HEMK2: variants seen among roughly 807,000 people sequenced by gnomAD.
HEMK2 encodes the protein HemK methyltransferase 2, ETF1 glutamine and histone H4 lysine.
chr21:28,768,336 T>C, the HEMK2 span, among the ~76,000 whole-genome samples: 1 of 152,144 alleles, frequency 6.6e-6, no homozygotes, highest in East Asian at 1.9e-4. Flanking sequence ...CTGGGGATTC[T>C]TACTGTGTAG....
chr21:28,823,762 T>C, the HEMK2 span, among the ~76,000 whole-genome samples: 1 of 152,188 alleles, frequency 6.6e-6, no homozygotes, highest in East Asian at 1.9e-4. Context: ...TCATTGTCTC[T>C]TGGACATAAA....
At chr21:28,691,388 G>A in the HEMK2 span, among the ~76,000 whole-genome samples, 14 of 152,096 alleles carry the variant, frequency 9.2e-5, no homozygotes, top group African/African-American at 3.1e-4. Flanking sequence ...TCTCTGATGG[G>A]GTTCACTCCA....
the HEMK2 span, among the ~76,000 whole-genome samples, chr21:28,682,104 G>C: frequency 6.6e-6 from 1 of 151,978 alleles, no homozygotes; most frequent in East Asian, 1.9e-4. Flanking sequence ...TACCATCAGA[G>C]TGAACAGGCA....
the HEMK2 span, among the ~76,000 whole-genome samples, chr21:28,704,710 A>G: frequency 6.6e-6 from 1 of 152,238 alleles, no homozygotes; most frequent in Non-Finnish European, 1.5e-5. Context: ...GCGGTCATTC[A>G]TAGGAAAACT....
chr21:28,860,571 A>G, the HEMK2 span, among the ~76,000 whole-genome samples: 1 of 152,020 alleles, frequency 6.6e-6, no homozygotes, highest in East Asian at 1.9e-4. Flanking sequence ...AAAATTATGA[A>G]CTCAAGGATT....
chr21:28,879,937 G>A, the HEMK2 span: 1 of 1,601,590 alleles, frequency 6.2e-7, no homozygotes, highest in Non-Finnish European at 8.5e-7. Flanking sequence ...GGTCAATCTT[G>A]GTAGCAAGCC....
the HEMK2 span, among the ~76,000 whole-genome samples, chr21:28,613,497 G>A: frequency 9.9e-5 from 15 of 151,876 alleles, no homozygotes; most frequent in Non-Finnish European, 2.1e-4. Flanking sequence ...CTATAGATGG[G>A]GAAACCATTG....
the HEMK2 span, among the ~76,000 whole-genome samples, chr21:28,713,001 G>A: frequency 6.6e-6 from 1 of 152,092 alleles, no homozygotes; most frequent in East Asian, 1.9e-4. Context: ...GTACACTAAG[G>A]TTTCAGATCT....
chr21:28,632,020 A>G, the HEMK2 span, among the ~76,000 whole-genome samples: 1 of 152,216 alleles, frequency 6.6e-6, no homozygotes, highest in Non-Finnish European at 1.5e-5. Context: ...ATGCTTTGGA[A>G]TACTAGAGAA....
chr21:28,599,828 G>C, the HEMK2 span, among the ~76,000 whole-genome samples: 6 of 152,172 alleles, frequency 3.9e-5, no homozygotes, highest in Admixed American at 3.9e-4. Context: ...CCAAATGAAA[G>C]AAATTGGCCA....
the HEMK2 span, among the ~76,000 whole-genome samples, chr21:28,603,549 A>ATATGTGTGTGTG: frequency 1.5e-4 from 20 of 135,824 alleles, no homozygotes; most frequent in African/African-American, 5.2e-4. Context: ...GAGGATATAT[A>ATATGTGTGTGTG]TGTGTGTGTG....
At chr21:28,713,728 C>A in the HEMK2 span, among the ~76,000 whole-genome samples, 2 of 152,190 alleles carry the variant, frequency 1.3e-5, no homozygotes, top group Admixed American at 6.5e-5. Context: ...TTATTATCTA[C>A]CTACGGACCC....
chr21:28,880,973 G>A, the HEMK2 span, among the ~76,000 whole-genome samples: 1 of 138,612 alleles, frequency 7.2e-6, no homozygotes, highest in African/African-American at 2.8e-5. Flanking sequence ...ACCTACCCTC[G>A]TCATTGTAAG....
the HEMK2 span, among the ~76,000 whole-genome samples, chr21:28,733,412 A>C: frequency 6.6e-6 from 1 of 152,178 alleles, no homozygotes; most frequent in Non-Finnish European, 1.5e-5. Context: ...TTCTCAGCTA[A>C]GCATCCACAA....
chr21:28,576,224 G>A, the HEMK2 span, among the ~76,000 whole-genome samples: 3 of 152,290 alleles, frequency 2.0e-5, no homozygotes, highest in African/African-American at 7.2e-5. Context: ...ATGAGTTCCA[G>A]TTGCTCCATG....
chr21:28,830,837 A>G, the HEMK2 span, among the ~76,000 whole-genome samples: 8 of 147,476 alleles, frequency 5.4e-5, no homozygotes, highest in Non-Finnish European at 7.4e-5. Flanking sequence ...AGTTCGTGCC[A>G]CTGCACTCCA....
chr21:28,877,578 A>G, the HEMK2 span, among the ~76,000 whole-genome samples: 1 of 103,200 alleles, frequency 9.7e-6, no homozygotes, highest in Non-Finnish European at 2.6e-5. Context: ...GGAAAGAAGA[A>G]AGGAAGAAAG....
chr21:28,782,936 G>T, the HEMK2 span, among the ~76,000 whole-genome samples: 42,304 of 151,990 alleles, frequency 0.28, 6,077 homozygotes, highest in East Asian at 0.41. Context: ...ATTAACAGTT[G>T]ACCAGTATGT....
the HEMK2 span, among the ~76,000 whole-genome samples, chr21:28,840,367 G>A: frequency 6.6e-6 from 1 of 152,126 alleles, no homozygotes; most frequent in African/African-American, 2.4e-5. Context: ...AAATAGCTGG[G>A]ACCTAATTAA....
Sources: gnomAD v4.1 joint callset for allele counts (sites outside exome capture counted in the v4.1 genomes callset) on GRCh38, gnomAD v4.1.1 for gene constraint, MANE v1.5 for transcripts, NCBI Gene and HGNC (gene_info 2026-07-23, HGNC 2026-07-21) for gene names.